Variants in PLEKHA8 observed in about 807,000 individuals in gnomAD.
PLEKHA8 encodes pleckstrin homology domain-containing family A member 8.
Under a neutral mutation model 68.2 loss-of-function variants are expected in PLEKHA8, and 36 were observed. The observed-to-expected ratio is 0.53, with a 90% CI of 0.40 to 0.70. PLEKHA8 has a LOEUF of 0.70. Among genes scored for constraint, PLEKHA8 ranks in the 30% least tolerant of loss-of-function variants. PLEKHA8 has a pLI of 0.00. For synonymous variants in PLEKHA8, 211 were observed against 216.1 expected (o/e 0.98, Z 0.20); for missense variants, 505 against 615.4 (o/e 0.82, Z 1.90).
In PLEKHA8 at chr7:30,061,889, C is replaced by T. The variant is rs766945742; in HGVS notation, c.1099-8C>T. ...TAAACTTAGGTTGTTTCCCTGCTTTCCCTCCAGAAAGTAAATCAGAAGTAT... is the reference window on the plus strand; with the variant it reads ...TAAACTTAGGTTGTTTCCCTGCTTTTCCTCCAGAAAGTAAATCAGAAGTAT... On this transcript the variant is annotated splice_polypyrimidine_tract_variant and splice_region_variant and intron_variant, in intron 10 of 13. Transcript: ENST00000449726. 8 of 1,613,528 alleles carry T rather than the reference C, an allele frequency of 5.0e-6. No individual in the cohort carries two copies. Among genetic ancestry groups the T allele is most frequent in the Non-Finnish European group, 6.8e-6 (8 of 1,179,954 alleles).
chr7:30,101,210 A>G (rs1191056933), intron 13 of PLEKHA8, among the ~76,000 whole-genome samples: 1 of 152,072 alleles, frequency 6.6e-6, no homozygotes, highest in Non-Finnish European at 1.5e-5. Flanking sequence ...GAAAGAAAAG[A>G]AAAGTAAATG....
downstream of PLEKHA8, among the ~76,000 whole-genome samples, chr7:30,095,368 G>T (rs1256534961): frequency 2.6e-5 from 4 of 152,082 alleles, no homozygotes; most frequent in South Asian, 4.1e-4. Flanking sequence ...TTTTTAATGG[G>T]GTTGTTTGTT....
chr7:30,083,859 C>A lies in PLEKHA8; in HGVS notation c.*5072C>A, dbSNP rs1457620744. 2 of 985,378 alleles carry A rather than the reference C, an allele frequency of 2.0e-6. No individual in the cohort carries two copies. Among genetic ancestry groups the A allele is most frequent in the African/African-American group, 1.7e-5 (1 of 57,360 alleles). 61.0% of individuals were successfully genotyped at this position (985,378 alleles called of 1,614,324 possible). A position where few individuals can be genotyped will look rare whatever the true frequency, so the allele number is the denominator to read the frequency against. ...AGAAACCACCCTGGGATGGTTGATA[C>A]CCCTTACAAAGTCGATCTTACCCAC... On this transcript the variant is annotated 3_prime_UTR_variant, in exon 14 of 14. Coordinates refer to ENST00000449726, the MANE Select transcript of PLEKHA8 (RefSeq NM_001197026.2).
At chr7:30,116,078 A>G (rs1042654315) in intron 13 of PLEKHA8, 1 of 148,848 alleles carries the variant, frequency 6.7e-6, no homozygotes, top group Middle Eastern at 3.2e-3. Flanking sequence ...ATACATGTAT[A>G]CATACGCATA....
chr7:30,078,475 C>A, intron 13 of PLEKHA8, 115 bp from the exon 14 acceptor site: 4 of 1,105,748 alleles, frequency 3.6e-6, no homozygotes, highest in Non-Finnish European at 5.3e-6. Context: ...TTTACTCTTG[C>A]TCTTCTCAGC....
At chr7:30,061,785 A>T in intron 10 of PLEKHA8, 112 bp from the exon 11 acceptor site, 3 of 1,185,466 alleles carry the variant, frequency 2.5e-6, no homozygotes, top group Non-Finnish European at 3.6e-6. Flanking sequence ...ATAGGAGCTT[A>T]ATTTATTTTC....
intron 1 of PLEKHA8, among the ~76,000 whole-genome samples, chr7:30,030,538 T>C (rs1790581164): frequency 6.6e-6 from 1 of 152,216 alleles, no homozygotes. Context: ...AAGTTAATGC[T>C]GTGAGTGGTG....
chr7:30,047,684 A>G, intron 3 of PLEKHA8, 148 bp from the exon 4 acceptor site: 1 of 773,408 alleles, frequency 1.3e-6, no homozygotes. Context: ...CACCTGTCAC[A>G]TTTGCAACCC....
At position 30,054,866 on chromosome 7, in the gene PLEKHA8, G is replaced by A; in HGVS notation, c.953+1G>A. The A allele has an allele frequency of 6.3e-7, 1 of 1,599,520 alleles. No homozygotes were observed. The highest frequency in any genetic ancestry group is 8.5e-7 in the Non-Finnish European group (1 of 1,172,676). ...CTTTCTTTAGTACCATGAACACAAG[G>A]TATTCTAGACTCTTTAATATCACTG... is the stretch of plus-strand genomic sequence containing the variant. On this transcript the variant is annotated splice_donor_variant, in intron 8 of 13. Coordinates refer to ENST00000449726, the MANE Select transcript of PLEKHA8 (RefSeq NM_001197026.2). LOFTEE classifies it high-confidence loss of function.
At chr7:30,055,720 C>T (rs1464701172) in intron 9 of PLEKHA8, among the ~76,000 whole-genome samples, 1 of 152,112 alleles carries the variant, frequency 6.6e-6, no homozygotes, top group Non-Finnish European at 1.5e-5. Flanking sequence ...GGCTGGAGTG[C>T]AGTGGCATGA....
chr7:30,038,360 T>G (rs1271867218), intron 1 of PLEKHA8, among the ~76,000 whole-genome samples: 1 of 152,190 alleles, frequency 6.6e-6, no homozygotes, highest in Non-Finnish European at 1.5e-5. Context: ...AACTACAGAT[T>G]AGTAACAGAT....
At chr7:30,029,070 A>T (rs1442693920) in intron 1 of PLEKHA8, among the ~76,000 whole-genome samples, 2 of 152,210 alleles carry the variant, frequency 1.3e-5, no homozygotes, top group Non-Finnish European at 2.9e-5. Context: ...GTGACTTGAA[A>T]GGCACGGTGC....
chr7:30,100,568 A>G (rs1343170371), intron 13 of PLEKHA8, among the ~76,000 whole-genome samples: 1 of 152,196 alleles, frequency 6.6e-6, no homozygotes, highest in Non-Finnish European at 1.5e-5. Flanking sequence ...TTAATTAATT[A>G]ATTAATTAAA....
intron 13 of PLEKHA8, among the ~76,000 whole-genome samples, chr7:30,076,384 C>T (rs6977238): frequency 0.17 from 25,544 of 152,104 alleles, 2,187 homozygotes; most frequent in Middle Eastern, 0.22. Context: ...TGTTTATATG[C>T]ATTTTTGAAT....
chr7:30,050,450 T>C lies in PLEKHA8; in HGVS notation c.614T>C (p.Ile205Thr), dbSNP rs780882448. ...CTTTTAAAGATGAAACATCCTATTA[T>C]ACCAATTCATAATTCATTGGAAAGG... is the stretch of plus-strand genomic sequence containing the variant. ...LKSSKMKHPI[I>T]PIHNSLERQM... The change falls in exon 6 of 14, where the codon ATA becomes ACA. Residue 205 changes from isoleucine (I) to threonine (T), a missense_variant. Physicochemically the swap from Ile to Thr is moderately conservative, Grantham distance 89. Transcript: ENST00000449726. 4 of 1,578,516 alleles carry C rather than the reference T, an allele frequency of 2.5e-6. No homozygotes were observed. Among genetic ancestry groups the C allele is most frequent in the Admixed American group, 1.9e-5 (1 of 52,228 alleles).
In PLEKHA8 at chr7:30,126,848, G is replaced by A. The variant is rs900254893; in HGVS notation, c.1363-2418G>A. Among the ~76,000 whole-genome samples, 5 of 152,118 alleles carry A rather than the reference G, an allele frequency of 3.3e-5. No individual in the cohort carries two copies. The East Asian group carries it at 5.8e-4, about 18-fold the overall frequency. On this transcript the variant is annotated intron_variant, in intron 13 of 13. Coordinates refer to the PLEKHA8 transcript ENST00000396257. ...CATGAGAATAGCACAGGAAAGACTC[G>A]CCCCCATGTTTCAATTATCTTCTAC...
At position 30,098,436 on chromosome 7, in the gene PLEKHA8, G is replaced by A. The variant is rs1481478297; in HGVS notation, c.1362+24304G>A. Reference sequence around the variant, plus strand: ...CCTGCCCCCAGAGGTGGAGCCTACAGAGGCAGGCAGGCCTCCTTGAGCTGT... The same window carrying A: ...CCTGCCCCCAGAGGTGGAGCCTACAAAGGCAGGCAGGCCTCCTTGAGCTGT... On this transcript the variant is annotated intron_variant, in intron 13 of 13. Coordinates refer to the PLEKHA8 transcript ENST00000396257. Among the ~76,000 whole-genome samples the A allele has an allele frequency of 2.0e-5, 3 of 152,272 alleles. No homozygotes were observed. The East Asian group carries it at 5.8e-4, about 29-fold the overall frequency.
At chr7:30,129,985 C>G (rs183177775), downstream of PLEKHA8, 55 of 152,446 alleles carry the variant, frequency 3.6e-4, no homozygotes, top group African/African-American at 1.3e-3. Flanking sequence ...GCACTCTGTG[C>G]CATCATCCAG....
At chr7:30,123,160 C>G (rs1432361351) in intron 13 of PLEKHA8, among the ~76,000 whole-genome samples, 1 of 152,176 alleles carries the variant, frequency 6.6e-6, no homozygotes, top group African/African-American at 2.4e-5. Flanking sequence ...TGGATTCTTC[C>G]TGAATTAGTG....
Sources: gnomAD v4.1 joint callset for allele counts (sites outside exome capture counted in the v4.1 genomes callset) on GRCh38, gnomAD v4.1.1 for gene constraint, MANE v1.5 for transcripts, NCBI Gene and HGNC (gene_info 2026-07-23, HGNC 2026-07-21) for gene names.